STX8: variants seen among roughly 807,000 people sequenced by gnomAD.
STX8 encodes the protein syntaxin-8.
A neutral mutation model predicts 37.5 loss-of-function variants in STX8; 23 were observed. That is an observed-to-expected ratio of 0.61 (90% CI 0.44 to 0.87). The LOEUF is 0.87. Among genes scored for constraint, STX8 ranks in the 40% least tolerant of loss-of-function variants. The pLI, the probability that STX8 is intolerant of heterozygous loss-of-function variation, is 0.00. For missense variants in STX8, 313 were observed against 284.7 expected (o/e 1.10, Z -0.71); for synonymous variants, 115 against 99.1 (o/e 1.16, Z -0.95).
chr17:9,500,896 T>C (rs1231609650), intron 5 of STX8, among the ~76,000 whole-genome samples: 1 of 152,022 alleles, frequency 6.6e-6, no homozygotes, highest in African/African-American at 2.4e-5. Context: ...TCCCAGCTAC[T>C]TGGGAGGCTG....
intron 7 of STX8, among the ~76,000 whole-genome samples, chr17:9,376,816 A>C (rs1259597357): frequency 6.6e-6 from 1 of 152,164 alleles, no homozygotes; most frequent in Admixed American, 6.5e-5. Flanking sequence ...GCGAGGGTCC[A>C]CAGCTTCATT....
intron 3 of STX8, among the ~76,000 whole-genome samples, chr17:9,550,399 A>G (rs1429438961): frequency 1.3e-5 from 2 of 151,844 alleles, no homozygotes; most frequent in African/African-American, 4.8e-5. Context: ...TTGTACATGT[A>G]ATTATAGCCA....
chr17:9,263,072 C>T (rs1907103655), intron 7 of STX8, among the ~76,000 whole-genome samples: 1 of 152,152 alleles, frequency 6.6e-6, no homozygotes, highest in Admixed American at 6.5e-5. Context: ...CTGAGGACAC[C>T]CCGTCTGGGT....
At chr17:9,311,352 C>G (rs1909182608) in intron 7 of STX8, among the ~76,000 whole-genome samples, 1 of 151,630 alleles carries the variant, frequency 6.6e-6, no homozygotes, top group Non-Finnish European at 1.5e-5. Context: ...TATTTCACAA[C>G]AGAATTGAGA....
chr17:9,499,675 G>A lies in STX8; in HGVS notation c.448+5363C>T, dbSNP rs1037107606. ...TGCCTCCCAAAGTGCTGGGATTACC[G>A]GCGTGAGCCACCACGCCCAGCCGGA... On this transcript the variant is annotated intron_variant, in intron 5 of 7. Coordinates refer to ENST00000306357, the MANE Select transcript of STX8 (RefSeq NM_004853.3). 3.9e-5 allele frequency among the ~76,000 whole-genome samples: 6 copies of A among 152,142 alleles called. No individual in the cohort carries two copies. In the South Asian group the frequency reaches 6.2e-4, roughly 16 times the overall value.
chr17:9,413,811 T>C (rs1015145669), intron 6 of STX8, among the ~76,000 whole-genome samples: 5 of 152,220 alleles, frequency 3.3e-5, no homozygotes, highest in Admixed American at 6.5e-5. Context: ...CGTGTATACC[T>C]CAACGGAAAA....
chr17:9,435,034 C>A (rs938285103), intron 6 of STX8, among the ~76,000 whole-genome samples: 1 of 152,108 alleles, frequency 6.6e-6, no homozygotes, highest in South Asian at 2.1e-4. Flanking sequence ...TCACTGCACG[C>A]CCTGTTTTGA....
chr17:9,546,591 GTTTTTTTTT>G lies in STX8; in HGVS notation c.213-1318_213-1310del, dbSNP rs386385626. ...TTTCTTGATGCAAACTACAAAAGTG[GTTTTTTTTT>G]TTTTTTTTTTTTTTTGGAGACGGAG... On this transcript the variant is annotated intron_variant, in intron 3 of 7. Coordinates refer to ENST00000306357, the MANE Select transcript of STX8 (RefSeq NM_004853.3). 2.1e-4 allele frequency among the ~76,000 whole-genome samples: 11 copies of G among 52,208 alleles called. 1 individual carries two copies. Among genetic ancestry groups the G allele is most frequent in the South Asian group, 1.1e-3 (1 of 888 alleles). 34.3% of individuals were successfully genotyped at this position (52,208 alleles called of 152,430 possible). A position where few individuals can be genotyped will look rare whatever the true frequency, so the allele number is the denominator to read the frequency against.
intron 7 of STX8, among the ~76,000 whole-genome samples, chr17:9,271,547 C>T (rs903088388): frequency 1.3e-5 from 2 of 151,652 alleles, no homozygotes; most frequent in Admixed American, 6.6e-5. Flanking sequence ...GTCAAGAGAT[C>T]GAGACCATCC....
At chr17:9,520,614 T>C (rs1240438702) in intron 4 of STX8, among the ~76,000 whole-genome samples, 2 of 152,194 alleles carry the variant, frequency 1.3e-5, no homozygotes, top group African/African-American at 4.8e-5. Context: ...TCACAATCAC[T>C]TCTAAAGACA....
At chr17:9,453,288 C>T (rs1193147061) in intron 6 of STX8, among the ~76,000 whole-genome samples, 1 of 152,144 alleles carries the variant, frequency 6.6e-6, no homozygotes, top group Non-Finnish European at 1.5e-5. Context: ...TGAATCAGCT[C>T]AGCTGCTACT....
At chr17:9,358,825 G>A (rs957072381) in intron 7 of STX8, among the ~76,000 whole-genome samples, 4 of 152,144 alleles carry the variant, frequency 2.6e-5, no homozygotes, top group African/African-American at 9.7e-5. Flanking sequence ...AGAGAGTAGG[G>A]GGAAAAGATT....
chr17:9,325,502 T>G (rs1909723784), intron 7 of STX8, among the ~76,000 whole-genome samples: 1 of 152,140 alleles, frequency 6.6e-6, no homozygotes, highest in Non-Finnish European at 1.5e-5. Flanking sequence ...AGGGTTCCCA[T>G]GTTAAAGGGG....
rs184831068 is a variant in STX8 at position 9,353,924 on chromosome 17, C to A, written c.643+24628G>T. Among the ~76,000 whole-genome samples the A allele has an allele frequency of 3.5e-3, 525 of 149,582 alleles. 4 individuals carry two copies. Among genetic ancestry groups the A allele is most frequent in the African/African-American group, 0.012 (497 of 41,194 alleles). The stretch of plus-strand genomic sequence containing the variant: ...TGTATAAGCTAAAAAGTCAAGTAAT[C>A]CTAAAAAAAGGTTATAATAAAAACC... On this transcript the variant is annotated intron_variant, in intron 7 of 7. Coordinates refer to ENST00000306357, the MANE Select transcript of STX8 (RefSeq NM_004853.3).
chr17:9,443,271 C>T (rs1904727795), intron 6 of STX8, among the ~76,000 whole-genome samples: 1 of 152,202 alleles, frequency 6.6e-6, no homozygotes, highest in Non-Finnish European at 1.5e-5. Context: ...AAATCAACTA[C>T]TGAAAGCAGC....
intron 7 of STX8, among the ~76,000 whole-genome samples, chr17:9,377,099 A>C (rs1161091606): frequency 1.3e-5 from 2 of 152,018 alleles, no homozygotes; most frequent in African/African-American, 2.4e-5. Context: ...CTCTCACCCC[A>C]TTGTTCTAGC....
chr17:9,332,643 C>T (rs545093730), intron 7 of STX8, among the ~76,000 whole-genome samples: 2 of 152,316 alleles, frequency 1.3e-5, no homozygotes, highest in African/African-American at 4.8e-5. Flanking sequence ...ACAATCTTAA[C>T]GATGTTAATA....
At chr17:9,534,861 T>A (rs1196968844) in intron 4 of STX8, among the ~76,000 whole-genome samples, 2 of 151,770 alleles carry the variant, frequency 1.3e-5, no homozygotes, top group Admixed American at 6.6e-5. Context: ...ACTTAAAGTA[T>A]CCATATTTTA....
chr17:9,488,584 G>A (rs995820725), intron 6 of STX8, among the ~76,000 whole-genome samples: 3 of 152,152 alleles, frequency 2.0e-5, no homozygotes, highest in African/African-American at 7.2e-5. Context: ...GATGCCATAT[G>A]AGAGGCACTC....
Sources: allele counts gnomAD v4.1 joint callset (sites outside exome capture counted in the v4.1 genomes callset), GRCh38; gene constraint gnomAD v4.1.1; transcripts MANE v1.5; gene names NCBI Gene and HGNC (gene_info 2026-07-23, HGNC 2026-07-21).